The following UNC5C variants were observed in gnomAD, a reference collection of about 807,000 sequenced individuals.
The protein encoded by UNC5C is unc-5 netrin receptor C.
In UNC5C, 47 loss-of-function variants were observed where a neutral mutation model predicts 99.8. The observed-to-expected ratio is 0.47, with a 90% CI of 0.37 to 0.60. The LOEUF (loss-of-function observed/expected upper bound fraction) is 0.60, where lower values mean the gene tolerates loss of function less well. Among genes scored for constraint, UNC5C ranks in the 20% least tolerant of loss-of-function variants. The pLI, the probability that UNC5C is intolerant of heterozygous loss-of-function variation, is 0.00. For missense variants in UNC5C, 1,062 were observed against 1,165.9 expected, an observed-to-expected ratio of 0.91 and a Z score of 1.30; for synonymous variants, 487 against 452.2, an observed-to-expected ratio of 1.08 and a Z score of -0.98.
At chr4:95,347,354 A>G (rs1160976832) in intron 1 of UNC5C, among the ~76,000 whole-genome samples, 1 of 152,108 alleles carries the variant, frequency 6.6e-6, no homozygotes, top group Non-Finnish European at 1.5e-5. Flanking sequence ...TCTAGATTCA[A>G]TGCAATCCTT....
chr4:95,537,938 T>C (rs2149494983), intron 1 of UNC5C, among the ~76,000 whole-genome samples: 1 of 152,290 alleles, frequency 6.6e-6, no homozygotes, highest in Admixed American at 6.5e-5. Context: ...TTAAATAAAT[T>C]TCTCAAAGTA....
chr4:95,260,086 G>T (rs1740164222), intron 4 of UNC5C, among the ~76,000 whole-genome samples: 1 of 152,098 alleles, frequency 6.6e-6, no homozygotes, highest in South Asian at 2.1e-4. Context: ...TCCTATGACT[G>T]CACTGGTCCC....
intron 1 of UNC5C, among the ~76,000 whole-genome samples, chr4:95,401,570 G>A (rs1560820065): frequency 6.6e-6 from 1 of 152,146 alleles, no homozygotes; most frequent in Non-Finnish European, 1.5e-5. Flanking sequence ...CTCCCAACGT[G>A]CTGGCATTAA....
intron 1 of UNC5C, among the ~76,000 whole-genome samples, chr4:95,435,294 A>C (rs1746743550): frequency 6.9e-6 from 1 of 144,892 alleles, no homozygotes; most frequent in Admixed American, 7.0e-5. Flanking sequence ...ACACAGAAAA[A>C]TCAAAATGTT....
intron 12 of UNC5C, among the ~76,000 whole-genome samples, chr4:95,191,560 G>A (rs1737093771): frequency 6.6e-6 from 1 of 150,664 alleles, no homozygotes; most frequent in Admixed American, 6.6e-5. Context: ...ACCCCACTTT[G>A]TGCTCACCCT....
At chr4:95,170,545 C>G (rs1736056832) in intron 14 of UNC5C, among the ~76,000 whole-genome samples, 1 of 152,162 alleles carries the variant, frequency 6.6e-6, no homozygotes, top group Non-Finnish European at 1.5e-5. Flanking sequence ...TTTGAGCTAA[C>G]TTTGCATAGC....
chr4:95,289,191 T>C (rs1001079421), intron 3 of UNC5C, among the ~76,000 whole-genome samples: 3 of 152,212 alleles, frequency 2.0e-5, no homozygotes, highest in African/African-American at 7.2e-5. Flanking sequence ...TGTACTCATT[T>C]ACATACCCAC....
intron 14 of UNC5C, among the ~76,000 whole-genome samples, chr4:95,173,842 TA>T (rs1416388207): frequency 6.6e-6 from 1 of 152,146 alleles, no homozygotes; most frequent in East Asian, 1.9e-4. Flanking sequence ...GTACCTCTGG[TA>T]GAATTCGGCT....
intron 1 of UNC5C, among the ~76,000 whole-genome samples, chr4:95,507,080 C>T (rs577121263): frequency 2.6e-5 from 4 of 151,888 alleles, no homozygotes; most frequent in Non-Finnish European, 5.9e-5. Context: ...AGTCAACAAA[C>T]GTCCAGGAAT....
chr4:95,255,778 A>G (rs1579271886), intron 4 of UNC5C, among the ~76,000 whole-genome samples: 1 of 151,946 alleles, frequency 6.6e-6, no homozygotes, highest in African/African-American at 2.4e-5. Context: ...ACTTAGAACA[A>G]AAACCCTTCT....
Position 95,185,059 on chromosome 4 carries a change from C to T in UNC5C, c.2274G>A (p.Leu758=). ...TTGGGAACCTTACCTGATATTTAGC[C>T]AGCAATTTGCTCTTCCAGAGGGAAT... ...IAHSLWKSKL[L]AKYQEIPFYH... Residue 758 remains leucine, a synonymous_variant, in exon 13 of 16, where the codon CTG becomes CTA. Transcript: ENST00000453304. 6.2e-7 allele frequency: 1 copy of T among 1,611,086 alleles called. No individual in the cohort carries two copies. Among genetic ancestry groups the T allele is most frequent in the Non-Finnish European group, 8.5e-7 (1 of 1,179,230 alleles).
chr4:95,475,748 C>T (rs998384795), intron 1 of UNC5C, among the ~76,000 whole-genome samples: 1 of 152,106 alleles, frequency 6.6e-6, no homozygotes, highest in African/African-American at 2.4e-5. Context: ...CTAAACATCA[C>T]ATGTCAGCTT....
At chr4:95,259,517 A>G (rs1006348945) in intron 4 of UNC5C, among the ~76,000 whole-genome samples, 1 of 152,216 alleles carries the variant, frequency 6.6e-6, no homozygotes, top group Non-Finnish European at 1.5e-5. Context: ...TCAAGATTGC[A>G]CTACAAATAT....
intron 1 of UNC5C, among the ~76,000 whole-genome samples, chr4:95,540,309 C>A (rs1171966897): frequency 6.6e-6 from 1 of 152,162 alleles, no homozygotes; most frequent in African/African-American, 2.4e-5. Context: ...TGATGAAATA[C>A]TGATCTAGGG....
At chr4:95,350,901 C>T (rs1253179662) in intron 1 of UNC5C, among the ~76,000 whole-genome samples, 1 of 151,998 alleles carries the variant, frequency 6.6e-6, no homozygotes, top group Non-Finnish European at 1.5e-5. Context: ...AATTAGTGAC[C>T]TTAAGTGAGG....
At chr4:95,181,044 C>A (rs1736592455) in intron 14 of UNC5C, among the ~76,000 whole-genome samples, 1 of 152,132 alleles carries the variant, frequency 6.6e-6, no homozygotes, top group Admixed American at 6.5e-5. Flanking sequence ...CTCTGCGCAC[C>A]CAGCACCCGC....
intron 13 of UNC5C, among the ~76,000 whole-genome samples, chr4:95,184,039 C>A (rs911514256): frequency 6.6e-6 from 1 of 152,048 alleles, no homozygotes; most frequent in Non-Finnish European, 1.5e-5. Flanking sequence ...AGAAATTACT[C>A]CTAAAACAGG....
intron 1 of UNC5C, among the ~76,000 whole-genome samples, chr4:95,447,887 G>A (rs1747153353): frequency 6.6e-6 from 1 of 152,136 alleles, no homozygotes; most frequent in Admixed American, 6.5e-5. Context: ...AATAACAGAG[G>A]AAACCTGTAG....
chr4:95,175,569 G>A (rs1736305423), intron 14 of UNC5C, among the ~76,000 whole-genome samples: 1 of 152,044 alleles, frequency 6.6e-6, no homozygotes, highest in Non-Finnish European at 1.5e-5. Flanking sequence ...TTGAATATTG[G>A]CCCCCACTCC....
Sources: gnomAD v4.1 joint callset for allele counts (sites outside exome capture counted in the v4.1 genomes callset) on GRCh38, gnomAD v4.1.1 for gene constraint, MANE v1.5 for transcripts, NCBI Gene and HGNC (gene_info 2026-07-23, HGNC 2026-07-21) for gene names.